ZNF280D: variants seen among roughly 807,000 people sequenced by gnomAD.
The protein encoded by ZNF280D is zinc finger protein 280D, also known as suppressor of hairy wing homolog 4.
A neutral mutation model predicts 94.7 loss-of-function variants in ZNF280D; 39 were observed. That is an observed-to-expected ratio of 0.41 (90% CI 0.32 to 0.54). ZNF280D has a LOEUF of 0.54. Ranked by LOEUF, ZNF280D falls within the 20% of genes least tolerant of loss-of-function variation. The pLI, the probability that ZNF280D is intolerant of heterozygous loss-of-function variation, is 0.22. For missense variants in ZNF280D, 1,090 were observed against 1,149.3 expected (o/e 0.95, Z 0.75); for synonymous variants, 398 against 377.6 (o/e 1.05, Z -0.63).
chr15:56,716,390 T>C (rs2058044407), intron 1 of ZNF280D, among the ~76,000 whole-genome samples: 1 of 151,214 alleles, frequency 6.6e-6, no homozygotes, highest in Non-Finnish European at 1.5e-5. Flanking sequence ...TGGAGTTAAC[T>C]AGGCAAACAG....
intron 4 of ZNF280D, among the ~76,000 whole-genome samples, 185 bp downstream of exon 4, chr15:56,703,936 T>C (rs1246741007): frequency 6.6e-6 from 1 of 152,190 alleles, no homozygotes; most frequent in Non-Finnish European, 1.5e-5. Flanking sequence ...GGTCACCAGC[T>C]AATCTCAGTC....
Position 56,701,182 on chromosome 15 carries a change from G to C in ZNF280D, c.232C>G (p.Leu78Val), listed in dbSNP as rs1380863714. 2 of 1,593,902 alleles carry C rather than the reference G, an allele frequency of 1.3e-6. No individual in the cohort carries two copies. The highest frequency in any genetic ancestry group is 1.7e-6 in the Non-Finnish European group (2 of 1,169,636). ...TATAATAATACTGTACCTCGACTGA[G>C]TGCACCATTCTTTAGTCCCCTTGAA... ...SYSRGLKNGA[L>V]SRGITAAFKP... The change falls in exon 5 of 22, where the codon CTC becomes GTC. Residue 78 changes from leucine (L) to valine (V), a missense_variant. Physicochemically the swap from Leu to Val is conservative, Grantham distance 32. Around this residue, in one of 3 missense-constraint regions of ZNF280D, gnomAD observed 386 missense variants for 372.0 expected, o/e 1.04. Coordinates refer to ENST00000267807, the MANE Select transcript of ZNF280D (RefSeq NM_017661.4).
chr15:56,643,753 G>A lies in ZNF280D; in HGVS notation c.2214-756C>T, dbSNP rs1236399541. Among the ~76,000 whole-genome samples, 9 of 151,856 alleles carry A rather than the reference G, an allele frequency of 5.9e-5. 1 individual carries two copies. The highest frequency in any genetic ancestry group is 5.9e-4 in the Admixed American group (9 of 15,238). On this transcript the variant is annotated intron_variant, in intron 19 of 21. Coordinates refer to ENST00000267807, the MANE Select transcript of ZNF280D (RefSeq NM_017661.4). ...TATACATTAAACTCAATTTTAATCT[G>A]TGTAAGTAGGGTACCTACCTGATCT... is the stretch of plus-strand genomic sequence containing the variant.
intron 1 of ZNF280D, among the ~76,000 whole-genome samples, chr15:56,711,820 G>T (rs554113993): frequency 6.6e-6 from 1 of 152,312 alleles, no homozygotes; most frequent in South Asian, 2.1e-4. Flanking sequence ...TTGTAGTTGT[G>T]AGAACATCGT....
intron 20 of ZNF280D, among the ~76,000 whole-genome samples, chr15:56,637,514 C>T (rs2052411250): frequency 1.3e-5 from 2 of 152,128 alleles, no homozygotes; most frequent in African/African-American, 2.4e-5. Flanking sequence ...TCCTCCTCAA[C>T]AAAGAATCAG....
At position 56,707,272 on chromosome 15, in the gene ZNF280D, C is replaced by A; in HGVS notation, c.-51G>T. 1 of 1,538,506 alleles carries A rather than the reference C, an allele frequency of 6.5e-7. No homozygotes were observed. Among genetic ancestry groups the A allele is most frequent in the South Asian group, 1.2e-5 (1 of 84,386 alleles). ...TAACCTCTAAACTCACCATGTGACT[C>A]CAGACAAGCCAGCAAGTTATTTCTG... is the stretch of plus-strand genomic sequence containing the variant. On this transcript the variant is annotated 5_prime_UTR_variant, in exon 2 of 22. Transcript: ENST00000267807.
At chr15:56,656,335 A>G (rs1489825968) in intron 17 of ZNF280D, among the ~76,000 whole-genome samples, 1 of 152,226 alleles carries the variant, frequency 6.6e-6, no homozygotes, top group East Asian at 1.9e-4. Flanking sequence ...TATTCACAGA[A>G]ATTGAACAAT....
rs377140622 is a variant in ZNF280D, at chr15:56,638,451, A to G, written c.2260-3201T>C. Among the ~76,000 whole-genome samples the G allele has an allele frequency of 3.2e-4, 48 of 152,338 alleles. No homozygotes were observed. In the South Asian group the frequency reaches 8.1e-3, roughly 26 times the overall value. ...AACTTCCACTTTTGGTGCAGTATCAAAGGAGAATAATCACAATTATTGGAA... is the reference window on the plus strand; with the variant it reads ...AACTTCCACTTTTGGTGCAGTATCAGAGGAGAATAATCACAATTATTGGAA... On this transcript the variant is annotated intron_variant, in intron 20 of 21. Coordinates refer to ENST00000267807, the MANE Select transcript of ZNF280D (RefSeq NM_017661.4).
rs1247955988 is a variant in ZNF280D, at chr15:56,676,693, T to C, written c.1387A>G (p.Met463Val). 2.5e-6 allele frequency: 4 copies of C among 1,612,312 alleles called. No individual in the cohort carries two copies. In the South Asian group the frequency reaches 3.3e-5, roughly 13 times the overall value. The change falls in exon 13 of 22, where the codon ATG becomes GTG. Residue 463 changes from methionine to valine, a missense_variant. Physicochemically the swap from Met to Val is conservative, Grantham distance 21. Coordinates refer to ENST00000267807, the MANE Select transcript of ZNF280D (RefSeq NM_017661.4). ...ACCTGATGCTTCATATAATGATGCATATATGGTGTTGCAATTTTAATAACT... is the reference window on the plus strand; with the variant it reads ...ACCTGATGCTTCATATAATGATGCACATATGGTGTTGCAATTTTAATAACT... ...LKVIKIATPY[M>V]HHYMKHQKKG...
At chr15:56,689,174 T>G (rs1406707827) in intron 8 of ZNF280D, 24 bp from the exon 9 acceptor site, 1 of 1,587,600 alleles carries the variant, frequency 6.3e-7, no homozygotes. Context: ...AGAACATTTA[T>G]GACTCAAAAT....
At chr15:56,728,887 A>C (rs2058752774) in intron 1 of ZNF280D, among the ~76,000 whole-genome samples, 1 of 152,164 alleles carries the variant, frequency 6.6e-6, no homozygotes. Flanking sequence ...CCAACTGTAG[A>C]CTAATATAAA....
chr15:56,659,627 C>T (rs999335562), intron 16 of ZNF280D, among the ~76,000 whole-genome samples: 1 of 151,900 alleles, frequency 6.6e-6, no homozygotes, highest in Non-Finnish European at 1.5e-5. Context: ...CAGTTTCAGG[C>T]GTTCACTGGG....
chr15:56,730,171 TAAATC>T (rs2058819556), intron 1 of ZNF280D: 1 of 152,140 alleles, frequency 6.6e-6, no homozygotes, highest in South Asian at 2.1e-4. Context: ...TCTGGAGAAA[TAAATC>T]AAAATTCTAA....
intron 6 of ZNF280D, among the ~76,000 whole-genome samples, chr15:56,696,631 C>T (rs1243082005): frequency 1.3e-5 from 2 of 152,160 alleles, no homozygotes; most frequent in Non-Finnish European, 2.9e-5. Context: ...AAAACACACA[C>T]ACAAAATATG....
Position 56,677,679 on chromosome 15 carries a change from A to C in ZNF280D, c.1163-5T>G. The C allele has an allele frequency of 2.1e-6, 3 of 1,431,532 alleles. No homozygotes were observed. Among genetic ancestry groups the C allele is most frequent in the Non-Finnish European group, 2.9e-6 (3 of 1,030,984 alleles). 88.7% of individuals were successfully genotyped at this position (1,431,532 alleles called of 1,614,324 possible). On this transcript the variant is annotated splice_polypyrimidine_tract_variant and splice_region_variant and intron_variant, in intron 11 of 21. Transcript: ENST00000267807. ...ATTCACAGATTTTACAAATAGCTAA[A>C]TGTGGGAGAGAAACAGTATAATAAT... is the stretch of plus-strand genomic sequence containing the variant.
Position 56,631,185 on chromosome 15 carries a change from T to C in ZNF280D, c.*313A>G, listed in dbSNP as rs1264528706. ...TGAAAGGCTTTATAAATATTACTAA[T>C]ATCATCAATTCATGTCAGCAACCAA... On this transcript the variant is annotated 3_prime_UTR_variant, in exon 22 of 22. Transcript: ENST00000267807. The C allele has an allele frequency of 4.1e-6, 1 of 244,026 alleles. No homozygotes were observed. The highest frequency in any genetic ancestry group is 2.2e-5 in the African/African-American group (1 of 45,036). The allele number at this position is 244,026 out of a possible 1,614,324, so 15.1% of individuals were successfully genotyped here. A position where few individuals can be genotyped will look rare whatever the true frequency, so the allele number is the denominator to read the frequency against.
intron 7 of ZNF280D, among the ~76,000 whole-genome samples, chr15:56,692,218 G>C (rs1421048144): frequency 6.6e-6 from 1 of 151,850 alleles, no homozygotes; most frequent in Non-Finnish European, 1.5e-5. Context: ...AAATACGTAA[G>C]TGACACCCAG....
At chr15:56,686,814 T>A (rs965686827) in intron 9 of ZNF280D, among the ~76,000 whole-genome samples, 3 of 142,638 alleles carry the variant, frequency 2.1e-5, no homozygotes, top group African/African-American at 8.2e-5. Flanking sequence ...AGTTAATTGG[T>A]TATACAACAA....
At chr15:56,715,837 G>T (rs1438398450) in intron 1 of ZNF280D, among the ~76,000 whole-genome samples, 3 of 152,040 alleles carry the variant, frequency 2.0e-5, no homozygotes, top group African/African-American at 7.2e-5. Flanking sequence ...CCTATCCGTG[G>T]TTCCACAACC....
Sources: gnomAD v4.1 joint callset for allele counts (sites outside exome capture counted in the v4.1 genomes callset) on GRCh38, gnomAD v4.1.1 for gene constraint, gnomAD v4.1.1 regional missense constraint, MANE v1.5 for transcripts, NCBI Gene and HGNC (gene_info 2026-07-23, HGNC 2026-07-21) for gene names.